Variants in ACSS3 observed in about 807,000 individuals in gnomAD.
ACSS3 encodes the protein acyl-CoA synthetase short-chain family member 3, mitochondrial.
A neutral mutation model predicts 84.2 loss-of-function variants in ACSS3; 64 were observed. That is an observed-to-expected ratio of 0.76 (90% CI 0.62 to 0.94). ACSS3 has a LOEUF of 0.94. ACSS3 is among the 40% of genes least tolerant of loss of function. The pLI is 0.00. For missense variants in ACSS3, 815 were observed against 867.6 expected (o/e 0.94, Z 0.76); for synonymous variants, 317 against 310.1 (o/e 1.02, Z -0.23).
intron 9 of ACSS3, among the ~76,000 whole-genome samples, chr12:81,215,793 T>C (rs2032890647): frequency 6.6e-6 from 1 of 152,194 alleles, no homozygotes; most frequent in African/African-American, 2.4e-5. Context: ...TTATGAATGT[T>C]AATAAGTGCA....
chr12:81,104,687 T>G (rs1217106555), intron 1 of ACSS3: 1 of 152,006 alleles, frequency 6.6e-6, no homozygotes, highest in Non-Finnish European at 1.5e-5. Context: ...GAGCTTGAAT[T>G]ATTACCCTGA....
intron 2 of ACSS3, among the ~76,000 whole-genome samples, chr12:81,110,741 G>C (rs1883507765): frequency 6.6e-6 from 1 of 152,142 alleles, no homozygotes; most frequent in Admixed American, 6.5e-5. Context: ...TGCGCACATA[G>C]CTAATGTCTG....
chr12:81,247,163 A>T (rs1593240726), intron 13 of ACSS3, among the ~76,000 whole-genome samples: 1 of 152,232 alleles, frequency 6.6e-6, no homozygotes, highest in South Asian at 2.1e-4. Context: ...TTTTTACTTC[A>T]TGTCTTTTGG....
intron 9 of ACSS3, among the ~76,000 whole-genome samples, chr12:81,208,724 G>A (rs1012172836): frequency 2.6e-5 from 4 of 151,042 alleles, no homozygotes; most frequent in Middle Eastern, 6.8e-3. Context: ...TTCTTAACAT[G>A]GGATTTTCAT....
rs1555178623 is a variant in ACSS3 at position 81,181,768 on chromosome 12, A to AAAG, written c.1250+6829_1250+6830insAAG. On this transcript the variant is annotated intron_variant, in intron 8 of 15. Transcript: ENST00000548058. ...TAAGCAAAAAAAAAAAAAAAAAAAA[A>AAAG]GCAATAGAGAGCTACAATAGTAGAC... Among the ~76,000 whole-genome samples, 938 of 143,480 alleles carry AAAG rather than the reference A, an allele frequency of 6.5e-3. 14 individuals are homozygous for AAAG. Among genetic ancestry groups the AAAG allele is most frequent in the Non-Finnish European group, 0.011 (701 of 64,714 alleles). 94.1% of individuals were successfully genotyped at this position (143,480 alleles called of 152,430 possible).
chr12:81,146,514 T>A (rs1317670977), intron 5 of ACSS3, among the ~76,000 whole-genome samples: 1 of 152,212 alleles, frequency 6.6e-6, no homozygotes, highest in Non-Finnish European at 1.5e-5. Flanking sequence ...TTCTCAAATA[T>A]AAAACACACA....
At chr12:81,199,847 T>C in intron 9 of ACSS3, 1 of 414,722 alleles carries the variant, frequency 2.4e-6, no homozygotes, top group Non-Finnish European at 4.4e-6. Context: ...CACTCATCTC[T>C]ATTCTCTCTG....
At chr12:81,216,507 C>T (rs918592282) in intron 9 of ACSS3, among the ~76,000 whole-genome samples, 6 of 151,986 alleles carry the variant, frequency 3.9e-5, no homozygotes, top group East Asian at 1.9e-4. Flanking sequence ...CAATGATAAA[C>T]GAAATAACTT....
At chr12:81,223,479 T>C (rs2033176504) in intron 11 of ACSS3, among the ~76,000 whole-genome samples, 1 of 152,066 alleles carries the variant, frequency 6.6e-6, no homozygotes, top group Non-Finnish European at 1.5e-5. Flanking sequence ...GTCACATAAT[T>C]ATAATCCTGC....
At chr12:81,227,843 A>G (rs1207220721) in intron 11 of ACSS3, among the ~76,000 whole-genome samples, 1 of 151,722 alleles carries the variant, frequency 6.6e-6, no homozygotes, top group African/African-American at 2.4e-5. Flanking sequence ...TCCTTTCACT[A>G]TTCTGGGACC....
At chr12:81,114,689 A>G (rs1883891448) in intron 2 of ACSS3, among the ~76,000 whole-genome samples, 1 of 152,142 alleles carries the variant, frequency 6.6e-6, no homozygotes, top group South Asian at 2.1e-4. Context: ...ATGCTTGGTA[A>G]ATAGGGGAAT....
At chr12:81,117,805 C>A (rs893912800) in intron 2 of ACSS3, among the ~76,000 whole-genome samples, 5 of 152,122 alleles carry the variant, frequency 3.3e-5, no homozygotes, top group Admixed American at 2.0e-4. Flanking sequence ...CCCCTTAGAA[C>A]AGCAGTATTT....
intron 11 of ACSS3, among the ~76,000 whole-genome samples, chr12:81,227,762 T>G (rs1441661883): frequency 6.6e-6 from 1 of 151,892 alleles, no homozygotes; most frequent in Non-Finnish European, 1.5e-5. Flanking sequence ...GTCTACCACA[T>G]ATTGCATATA....
chr12:81,163,074 G>T (rs1242360623), intron 7 of ACSS3, among the ~76,000 whole-genome samples: 4 of 152,150 alleles, frequency 2.6e-5, no homozygotes, highest in Non-Finnish European at 4.4e-5. Context: ...TTGGAAAGTT[G>T]TCTCCACAGT....
At chr12:81,190,385 T>C (rs1218472483) in intron 8 of ACSS3, among the ~76,000 whole-genome samples, 1 of 152,122 alleles carries the variant, frequency 6.6e-6, no homozygotes, top group African/African-American at 2.4e-5. Context: ...TTTTATGCTA[T>C]GGTCAATGGT....
intron 9 of ACSS3, among the ~76,000 whole-genome samples, chr12:81,202,158 A>C (rs1223383001): frequency 6.6e-6 from 1 of 152,038 alleles, no homozygotes; most frequent in African/African-American, 2.4e-5. Flanking sequence ...GGGTGCATGT[A>C]ATCCCAACTA....
chr12:81,218,933 A>G (rs2033013733), intron 10 of ACSS3, among the ~76,000 whole-genome samples: 1 of 151,778 alleles, frequency 6.6e-6, no homozygotes, highest in South Asian at 2.1e-4. Context: ...TAAATAGTAT[A>G]ATAATAAAAA....
chr12:81,098,663 A>G (rs1036873950), intron 1 of ACSS3, among the ~76,000 whole-genome samples: 44 of 152,218 alleles, frequency 2.9e-4, no homozygotes, highest in African/African-American at 1.1e-3. Flanking sequence ...TTATAGATGA[A>G]AAAAGAAAGT....
chr12:81,126,845 T>G (rs2121549662), intron 2 of ACSS3, among the ~76,000 whole-genome samples: 1 of 152,180 alleles, frequency 6.6e-6, no homozygotes, highest in African/African-American at 2.4e-5. Flanking sequence ...AGAAAAATGA[T>G]AATTCTGAGT....
Sources: allele counts gnomAD v4.1 joint callset (sites outside exome capture counted in the v4.1 genomes callset), GRCh38; gene constraint gnomAD v4.1.1; transcripts MANE v1.5; gene names NCBI Gene and HGNC (gene_info 2026-07-23, HGNC 2026-07-21).